Variants in KRTAP10-1 observed in about 807,000 individuals in gnomAD.
KRTAP10-1 encodes keratin associated protein 10-1, also known as keratin-associated protein 10-1.
For synonymous variants in KRTAP10-1, 155 were observed against 153.3 expected, an observed-to-expected ratio of 1.01 and a Z score of -0.08; for missense variants, 364 against 369.2, an observed-to-expected ratio of 0.99 and a Z score of 0.12.
At position 44,539,200 on chromosome 21, in the gene KRTAP10-1, G is replaced by C; in HGVS notation, c.*102C>G. ...CAGCACAGGGGAGACACGGGGACCCGTCCTAGGTGGGGGAAGCCACCTAAC... is the reference window on the plus strand; with the variant it reads ...CAGCACAGGGGAGACACGGGGACCCCTCCTAGGTGGGGGAAGCCACCTAAC... On this transcript the variant is annotated 3_prime_UTR_variant, in exon 1 of 1. Transcript: ENST00000400375. The C allele has an allele frequency of 6.6e-7, 1 of 1,521,476 alleles. No homozygotes were observed. Among genetic ancestry groups the C allele is most frequent in the East Asian group, 2.3e-5 (1 of 42,992 alleles). The allele number at this position is 1,521,476 out of a possible 1,614,324, so 94.2% of individuals were successfully genotyped here.
Position 44,539,422 on chromosome 21 carries a change from G to A in KRTAP10-1, c.729C>T (p.Ala243=), listed in dbSNP as rs1555916825. Reference sequence around the variant, plus strand: ...AGCAGGAGGAGACAGGCATACAGCAGGCGGGCCGGCATACAGGGCGGCAGA... The same window carrying A: ...AGCAGGAGGAGACAGGCATACAGCAAGCGGGCCGGCATACAGGGCGGCAGA... The part of the protein sequence containing the change: ...SLLCRPVCRP[A]CCMPVSSCCA... Residue 243 remains alanine (A), a synonymous_variant, in exon 1 of 1, where the codon GCC becomes GCT. Transcript: ENST00000400375. The A allele has an allele frequency of 3.1e-6, 5 of 1,602,946 alleles. No homozygotes were observed. The highest frequency in any genetic ancestry group is 4.3e-6 in the Non-Finnish European group (5 of 1,170,398).
Position 44,539,620 on chromosome 21 carries a change from GGA to G in KRTAP10-1, c.529_530del (p.Ser177ProfsTer38), listed in dbSNP as rs782055030. 2 of 1,613,646 alleles carry G rather than the reference GGA, an allele frequency of 1.2e-6. No homozygotes were observed. The highest frequency in any genetic ancestry group is 2.7e-5 in the African/African-American group (2 of 74,818). ...SSCHPACCTS[S>X]PCQQACCVPV... ...GCACGCAGCAGGCCTGCTGGCAGGG[GGA>G]GGAGGTGCAGCAAGCTGGATGGCAG... is the stretch of plus-strand genomic sequence containing the variant. On this transcript the variant is annotated frameshift_variant, in exon 1 of 1. Coordinates refer to ENST00000400375, the MANE Select transcript of KRTAP10-1 (RefSeq NM_198691.3). LOFTEE classifies it low-confidence loss of function (END_TRUNC).
Position 44,539,775 on chromosome 21 carries a change from T to C in KRTAP10-1, c.376A>G (p.Ser126Gly), listed in dbSNP as rs2053177322. The change falls in exon 1 of 1, where the codon AGC becomes GGC. Residue 126 changes from serine (S) to glycine (G), a missense_variant. Transcript: ENST00000400375. ...GAGGCACAGCAAGTTGGCTGGCAGC[T>C]AGACTGCTGGCAGCATGAAGAGGAA... ...KDSSSCCQQS[S>G]CQPTCCASSS... 6.2e-7 allele frequency: 1 copy of C among 1,610,746 alleles called. No individual in the cohort carries two copies. The highest frequency in any genetic ancestry group is 8.5e-7 in the Non-Finnish European group (1 of 1,179,164).
chr21:44,539,144 G>A lies in KRTAP10-1; in HGVS notation c.*158C>T, dbSNP rs1260433822. Reference sequence around the variant, plus strand: ...AGAGCTGGGGAGCTGCAAGGATGGAGGCTCCTGGGAGCAAGGAGGGGGGGT... The same window carrying A: ...AGAGCTGGGGAGCTGCAAGGATGGAAGCTCCTGGGAGCAAGGAGGGGGGGT... On this transcript the variant is annotated 3_prime_UTR_variant, in exon 1 of 1. Coordinates refer to ENST00000400375, the MANE Select transcript of KRTAP10-1 (RefSeq NM_198691.3). 51 of 1,293,378 alleles carry A rather than the reference G, an allele frequency of 3.9e-5. No individual in the cohort carries two copies. In the African/African-American group the frequency reaches 6.6e-4, roughly 17 times the overall value. The allele number at this position is 1,293,378 out of a possible 1,614,324, so 80.1% of individuals were successfully genotyped here.
Position 44,539,212 on chromosome 21 carries a change from G to A in KRTAP10-1, c.*90C>T, listed in dbSNP as rs1333040308. Reference sequence around the variant, plus strand: ...GACACGGGGACCCGTCCTAGGTGGGGGAAGCCACCTAACCCAGGTCAGGAA... The same window carrying A: ...GACACGGGGACCCGTCCTAGGTGGGAGAAGCCACCTAACCCAGGTCAGGAA... On this transcript the variant is annotated 3_prime_UTR_variant, in exon 1 of 1. Transcript: ENST00000400375. 6.5e-7 allele frequency: 1 copy of A among 1,538,930 alleles called. No homozygotes were observed. Among genetic ancestry groups the A allele is most frequent in the South Asian group, 1.2e-5 (1 of 80,628 alleles).
rs587669777 is a variant in KRTAP10-1 at position 44,539,147 on chromosome 21, T to A, written c.*155A>T. ...GCTGGGGAGCTGCAAGGATGGAGGCTCCTGGGAGCAAGGAGGGGGGGTCAC... is the reference window on the plus strand; with the variant it reads ...GCTGGGGAGCTGCAAGGATGGAGGCACCTGGGAGCAAGGAGGGGGGGTCAC... On this transcript the variant is annotated 3_prime_UTR_variant, in exon 1 of 1. Transcript: ENST00000400375. The A allele has an allele frequency of 6.0e-5, 80 of 1,324,346 alleles. No homozygotes were observed. The African/African-American group carries it at 1.1e-3, about 18-fold the overall frequency. The allele number at this position is 1,324,346 out of a possible 1,614,324, so 82.0% of individuals were successfully genotyped here.
At position 44,539,597 on chromosome 21, in the gene KRTAP10-1, A is replaced by T. The variant is rs782178902; in HGVS notation, c.554T>A (p.Val185Glu). 2.5e-6 allele frequency: 4 copies of T among 1,613,524 alleles called. No homozygotes were observed. In the South Asian group the frequency reaches 4.4e-5, roughly 18 times the overall value. Residue 185 changes from valine to glutamate, a missense_variant, in exon 1 of 1, where the codon GTG becomes GAG. Coordinates refer to ENST00000400375, the MANE Select transcript of KRTAP10-1 (RefSeq NM_198691.3). The part of the protein sequence containing the change: ...TSSPCQQACC[V>E]PVRCKPVCCK... Reference sequence around the variant, plus strand: ...GCAGACAGGCTTGCAACGGACGGGCACGCAGCAGGCCTGCTGGCAGGGGGA... The same window carrying T: ...GCAGACAGGCTTGCAACGGACGGGCTCGCAGCAGGCCTGCTGGCAGGGGGA...
At position 44,540,172 on chromosome 21, in the gene KRTAP10-1, G is replaced by C; in HGVS notation, c.-22C>G. On this transcript the variant is annotated 5_prime_UTR_variant, in exon 1 of 1. Transcript: ENST00000400375. ...CCATGCTGGGGTGGGGAGGAGGTGA[G>C]CTGCGGGAGGTGTGAGTGAGTGAGT... 4 of 1,606,318 alleles carry C rather than the reference G, an allele frequency of 2.5e-6. No homozygotes were observed. Among genetic ancestry groups the C allele is most frequent in the African/African-American group, 2.7e-5 (2 of 74,972 alleles).
In KRTAP10-1 at chr21:44,539,402, G is replaced by T; in HGVS notation, c.749C>A (p.Ser250Tyr). The change falls in exon 1 of 1, where the codon TCC (serine) becomes TAC (tyrosine). Residue 250 changes from serine (S) to tyrosine (Y), a missense_variant. By Grantham distance (144) the Ser-to-Tyr change is moderately radical. Transcript: ENST00000400375. ...CRPACCMPVSSCCAPASSCQA... is the reference protein window; with the variant it reads ...CRPACCMPVSYCCAPASSCQA... ...GCAGGAGGAGGCAGGGGCACAGCAG[G>T]AGGAGACAGGCATACAGCAGGCGGG... 2 of 1,602,164 alleles carry T rather than the reference G, an allele frequency of 1.2e-6. No individual in the cohort carries two copies. Among genetic ancestry groups the T allele is most frequent in the East Asian group, 2.2e-5 (1 of 44,712 alleles).
chr21:44,539,884 G>A lies in KRTAP10-1; in HGVS notation c.267C>T (p.Cys89=). The A allele has an allele frequency of 1.3e-6, 2 of 1,578,816 alleles. No homozygotes were observed. Among genetic ancestry groups the A allele is most frequent in the Non-Finnish European group, 1.7e-6 (2 of 1,160,450 alleles). The stretch of plus-strand genomic sequence containing the variant: ...CCTGCTGGCAGGGGGAGGAGGTGCA[G>A]CAAGCCGGCTGGCAGCTAGACTGCT... ...CCQQSSCQPA[C]CTSSPCQQAC... Residue 89 remains cysteine (C), a synonymous_variant, in exon 1 of 1, where the codon TGC becomes TGT. Coordinates refer to ENST00000400375, the MANE Select transcript of KRTAP10-1 (RefSeq NM_198691.3).
At position 44,539,956 on chromosome 21, in the gene KRTAP10-1, G is replaced by T; in HGVS notation, c.195C>A (p.Ser65Arg). Reference sequence around the variant, plus strand: ...AGCTGGTGCAGCCTGATTGGCAGGGGCTGGGCTCACAGGCTGCCTGGCAGC... The same window carrying T: ...AGCTGGTGCAGCCTGATTGGCAGGGTCTGGGCTCACAGGCTGCCTGGCAGC... ...SPCCQAACEP[S>R]PCQSGCTSSC... The change falls in exon 1 of 1, where the codon AGC becomes AGA. Residue 65 changes from serine to arginine, a missense_variant. Coordinates refer to ENST00000400375, the MANE Select transcript of KRTAP10-1 (RefSeq NM_198691.3). The T allele has an allele frequency of 1.2e-6, 2 of 1,613,546 alleles. No homozygotes were observed. The highest frequency in any genetic ancestry group is 1.7e-6 in the Non-Finnish European group (2 of 1,179,958).
At position 44,539,182 on chromosome 21, in the gene KRTAP10-1, G is replaced by T; in HGVS notation, c.*120C>A. On this transcript the variant is annotated 3_prime_UTR_variant, in exon 1 of 1. Coordinates refer to ENST00000400375, the MANE Select transcript of KRTAP10-1 (RefSeq NM_198691.3). The stretch of plus-strand genomic sequence containing the variant: ...AAGGAGGGGGGGTCACCTCAGCACA[G>T]GGGAGACACGGGGACCCGTCCTAGG... 2 of 1,471,596 alleles carry T rather than the reference G, an allele frequency of 1.4e-6. No homozygotes were observed. Among genetic ancestry groups the T allele is most frequent in the Non-Finnish European group, 1.8e-6 (2 of 1,111,898 alleles). 91.2% of individuals were successfully genotyped at this position (1,471,596 alleles called of 1,614,324 possible).
Position 44,539,267 on chromosome 21 carries a change from C to T in KRTAP10-1, c.*35G>A. On this transcript the variant is annotated 3_prime_UTR_variant, in exon 1 of 1. Coordinates refer to ENST00000400375, the MANE Select transcript of KRTAP10-1 (RefSeq NM_198691.3). ...GCCCAGCTGGCCCAGGGCGGGTGCCCATCAGCAGCTGGACTCCTGGCCTGA... is the reference window on the plus strand; with the variant it reads ...GCCCAGCTGGCCCAGGGCGGGTGCCTATCAGCAGCTGGACTCCTGGCCTGA... 6.3e-7 allele frequency: 1 copy of T among 1,596,926 alleles called. No individual in the cohort carries two copies. Among genetic ancestry groups the T allele is most frequent in the Non-Finnish European group, 8.5e-7 (1 of 1,172,888 alleles).
chr21:44,539,733 A>T lies in KRTAP10-1; in HGVS notation c.418T>A (p.Ser140Thr), dbSNP rs201454398. 6.2e-7 allele frequency: 1 copy of T among 1,611,574 alleles called. No homozygotes were observed. The highest frequency in any genetic ancestry group is 8.5e-7 in the Non-Finnish European group (1 of 1,179,184). ...TTGCAGCAAACAGGCACACAGCAGG[A>T]CTGCTGGCTGGAGGAAGAGGCACAG... Reference protein sequence around the residue: ...TCCASSSSQQSCCVPVCCKPV... With the variant: ...TCCASSSSQQTCCVPVCCKPV... Residue 140 changes from serine (S) to threonine (T), a missense_variant, in exon 1 of 1, where the codon TCC becomes ACC. Coordinates refer to ENST00000400375, the MANE Select transcript of KRTAP10-1 (RefSeq NM_198691.3).
chr21:44,539,120 G>C lies in KRTAP10-1; in HGVS notation c.*182C>G. The C allele has an allele frequency of 1.2e-5, 13 of 1,096,266 alleles. No homozygotes were observed. The highest frequency in any genetic ancestry group is 1.6e-5 in the Non-Finnish European group (13 of 791,508). 67.9% of individuals were successfully genotyped at this position (1,096,266 alleles called of 1,614,324 possible). The stretch of plus-strand genomic sequence containing the variant: ...CAGGTGGGCACCTGCTGGAAGGCAA[G>C]AGCTGGGGAGCTGCAAGGATGGAGG... On this transcript the variant is annotated 3_prime_UTR_variant, in exon 1 of 1. Coordinates refer to ENST00000400375, the MANE Select transcript of KRTAP10-1 (RefSeq NM_198691.3).
In KRTAP10-1 at chr21:44,539,264, G is replaced by A. The variant is rs2053154715; in HGVS notation, c.*38C>T. On this transcript the variant is annotated 3_prime_UTR_variant, in exon 1 of 1. Transcript: ENST00000400375. ...TGAGCCCAGCTGGCCCAGGGCGGGT[G>A]CCCATCAGCAGCTGGACTCCTGGCC... The A allele has an allele frequency of 1.3e-6, 2 of 1,594,950 alleles. No homozygotes were observed. The highest frequency in any genetic ancestry group is 8.5e-7 in the Non-Finnish European group (1 of 1,172,200).
At position 44,539,517 on chromosome 21, in the gene KRTAP10-1, G is replaced by A; in HGVS notation, c.634C>T (p.Gln212Ter). 1 of 1,613,680 alleles carries A rather than the reference G, an allele frequency of 6.2e-7. No individual in the cohort carries two copies. The highest frequency in any genetic ancestry group is 1.1e-5 in the South Asian group (1 of 91,050). ...CAAGCCGGCTGGCAGCTAGACTGCT[G>A]GCAGCATGAAGTGGAAGCCCCAGAG... ...VCSGASTSCC[Q>*]QSSCQPACCT... Residue 212 changes from glutamine to a stop codon, truncating the protein, a stop_gained, in exon 1 of 1, where the codon CAG (glutamine) becomes TAG (stop). Transcript: ENST00000400375. LOFTEE classifies it low-confidence loss of function (END_TRUNC).
In KRTAP10-1 at chr21:44,539,379, A is replaced by AT; in HGVS notation, c.771_772insA (p.Cys258MetfsTer50). 6.2e-7 allele frequency: 1 copy of AT among 1,612,732 alleles called. No individual in the cohort carries two copies. Among genetic ancestry groups the AT allele is most frequent in the Non-Finnish European group, 8.5e-7 (1 of 1,179,356 alleles). ...GCCGGGCGGCAGCAGCTGGCCTGGC[A>AT]GGAGGAGGCAGGGGCACAGCAGGAG... is the stretch of plus-strand genomic sequence containing the variant. On this transcript the variant is annotated frameshift_variant, in exon 1 of 1. Transcript: ENST00000400375. LOFTEE classifies it high-confidence loss of function.
chr21:44,539,610 G>A lies in KRTAP10-1; in HGVS notation c.541C>T (p.Gln181Ter). The A allele has an allele frequency of 1.9e-6, 3 of 1,613,750 alleles. No homozygotes were observed. The highest frequency in any genetic ancestry group is 2.5e-6 in the Non-Finnish European group (3 of 1,179,890). ...PACCTSSPCQ[Q>*]ACCVPVRCKP... ...CAACGGACGGGCACGCAGCAGGCCT[G>A]CTGGCAGGGGGAGGAGGTGCAGCAA... The change falls in exon 1 of 1, where the codon CAG becomes TAG. Residue 181 changes from glutamine to a stop codon, truncating the protein, a stop_gained. Transcript: ENST00000400375. LOFTEE classifies it low-confidence loss of function (END_TRUNC).
Sources: allele counts gnomAD v4.1 joint callset, GRCh38; gene constraint gnomAD v4.1.1; transcripts MANE v1.5; gene names NCBI Gene and HGNC (gene_info 2026-07-23, HGNC 2026-07-21).